Variants in REDIC1 observed in about 807,000 individuals in gnomAD.
REDIC1 encodes the protein HEI10 Interacting Protein 1.
the REDIC1 span, among the ~76,000 whole-genome samples, chr12:39,753,593 A>G: frequency 6.6e-6 from 1 of 152,150 alleles, no homozygotes; most frequent in Admixed American, 6.6e-5. Flanking sequence ...AGCTGGGAGG[A>G]CATATGTCAA....
the REDIC1 span, among the ~76,000 whole-genome samples, chr12:39,702,031 T>C: frequency 1.3e-5 from 2 of 151,902 alleles, no homozygotes; most frequent in African/African-American, 2.4e-5. Context: ...TTAAAAGAAC[T>C]AGAAAAGCAA....
chr12:39,748,661 A>G, the REDIC1 span, among the ~76,000 whole-genome samples: 5 of 152,238 alleles, frequency 3.3e-5, no homozygotes, highest in Non-Finnish European at 7.3e-5. Flanking sequence ...TTGACCACAT[A>G]GTTGGAAGTA....
At chr12:39,666,965 T>G in the REDIC1 span, among the ~76,000 whole-genome samples, 1 of 152,208 alleles carries the variant, frequency 6.6e-6, no homozygotes, top group African/African-American at 2.4e-5. Flanking sequence ...CTTTTCTTCT[T>G]TATTAGTCTT....
chr12:39,694,424 G>C, the REDIC1 span, among the ~76,000 whole-genome samples: 1 of 134,564 alleles, frequency 7.4e-6, no homozygotes, highest in African/African-American at 2.5e-5. Context: ...GAGTGATTCT[G>C]TGTACTGGGG....
chr12:39,729,907 T>A, the REDIC1 span, among the ~76,000 whole-genome samples: 1 of 152,222 alleles, frequency 6.6e-6, no homozygotes, highest in Non-Finnish European at 1.5e-5. Flanking sequence ...CCTTTACCAT[T>A]ATGTAATGTC....
chr12:39,754,135 G>T, the REDIC1 span: 1 of 152,060 alleles, frequency 6.6e-6, no homozygotes, highest in East Asian at 1.9e-4. Context: ...GAAGACTTTT[G>T]GTGTAGTCAC....
At chr12:39,651,696 C>T in the REDIC1 span, among the ~76,000 whole-genome samples, 1 of 152,118 alleles carries the variant, frequency 6.6e-6, no homozygotes, top group Non-Finnish European at 1.5e-5. Flanking sequence ...TGCCAGGTAA[C>T]AGTTCTTTTT....
chr12:39,770,886 G>T, the REDIC1 span, among the ~76,000 whole-genome samples: 1 of 152,058 alleles, frequency 6.6e-6, no homozygotes, highest in African/African-American at 2.4e-5. Context: ...GACATCCTAG[G>T]TTCAGATCTA....
the REDIC1 span, among the ~76,000 whole-genome samples, chr12:39,777,161 C>T: frequency 9.2e-5 from 14 of 152,264 alleles, no homozygotes; most frequent in South Asian, 1.2e-3. Context: ...GTTCACTTTC[C>T]TTTCTTCCCG....
At chr12:39,810,546 A>T in the REDIC1 span, among the ~76,000 whole-genome samples, 1 of 152,134 alleles carries the variant, frequency 6.6e-6, no homozygotes, top group Non-Finnish European at 1.5e-5. Flanking sequence ...AGACATTCTC[A>T]CCTAGTTTTC....
At chr12:39,653,579 C>CT in the REDIC1 span, among the ~76,000 whole-genome samples, 1 of 59,244 alleles carries the variant, frequency 1.7e-5, no homozygotes, top group African/African-American at 5.5e-5. Context: ...TCTTTTTCTT[C>CT]CTCTTCTTCT....
the REDIC1 span, chr12:39,754,898 A>G: frequency 8.5e-5 from 13 of 152,212 alleles, no homozygotes; most frequent in African/African-American, 3.1e-4. Context: ...GAAATAAAAT[A>G]TCATTAAAAT....
the REDIC1 span, among the ~76,000 whole-genome samples, chr12:39,900,410 A>T: frequency 1.3e-5 from 2 of 152,186 alleles, no homozygotes; most frequent in African/African-American, 2.4e-5. Flanking sequence ...CCCTGTTTGC[A>T]GATGACATGA....
chr12:39,881,878 C>A, the REDIC1 span, among the ~76,000 whole-genome samples: 1 of 151,984 alleles, frequency 6.6e-6, no homozygotes, highest in Non-Finnish European at 1.5e-5. Context: ...ACTGGCCTCA[C>A]AAGTTTCTTC....
At chr12:39,697,710 T>C in the REDIC1 span, among the ~76,000 whole-genome samples, 2 of 152,182 alleles carry the variant, frequency 1.3e-5, no homozygotes, top group African/African-American at 2.4e-5. Context: ...AGTTCTAAGA[T>C]TGTATTTCCA....
At chr12:39,847,422 G>T in the REDIC1 span, among the ~76,000 whole-genome samples, 1 of 152,030 alleles carries the variant, frequency 6.6e-6, no homozygotes, top group African/African-American at 2.4e-5. Context: ...ATGGCCAAGG[G>T]ATTAATTCTG....
At chr12:39,853,355 G>T in the REDIC1 span, among the ~76,000 whole-genome samples, 1 of 151,900 alleles carries the variant, frequency 6.6e-6, no homozygotes, top group African/African-American at 2.4e-5. Context: ...CAGTGGTTAT[G>T]ATATACTATC....
At chr12:39,849,594 T>C in the REDIC1 span, among the ~76,000 whole-genome samples, 76 of 152,316 alleles carry the variant, frequency 5.0e-4, no homozygotes, top group Admixed American at 3.3e-3. Context: ...CTCTTCCTTA[T>C]AGAGTAACTG....
At chr12:39,637,936 T>C in the REDIC1 span, among the ~76,000 whole-genome samples, 8 of 152,006 alleles carry the variant, frequency 5.3e-5, no homozygotes, top group Admixed American at 1.3e-4. Flanking sequence ...TTTGGATCAT[T>C]ACCTATTTTC....
Sources: allele counts gnomAD v4.1 joint callset (sites outside exome capture counted in the v4.1 genomes callset), GRCh38; gene constraint gnomAD v4.1.1; transcripts MANE v1.5; gene names NCBI Gene and HGNC (gene_info 2026-07-23, HGNC 2026-07-21).